Variants in KCNG2 observed in about 807,000 individuals in gnomAD.
KCNG2 encodes the protein potassium voltage-gated channel modifier subfamily G member 2.
KCNG2 carries 7 observed loss-of-function variants against 12.3 expected under a neutral mutation model. The observed-to-expected ratio is 0.57, with a 90% CI of 0.32 to 1.07. The LOEUF (loss-of-function observed/expected upper bound fraction) is 1.07, where lower values mean the gene tolerates loss of function less well. Among genes scored for constraint, KCNG2 ranks in the 50% least tolerant of loss-of-function variants. KCNG2 has a pLI of 0.04. For synonymous variants in KCNG2, 414 were observed against 351.4 expected (o/e 1.18, Z -1.99); for missense variants, 703 against 726.0 (o/e 0.97, Z 0.36).
intron 1 of KCNG2, among the ~76,000 whole-genome samples, chr18:79,828,949 G>C (rs62648806): frequency 6.0e-5 from 5 of 83,974 alleles, no homozygotes; most frequent in African/African-American, 3.1e-4. Context: ...TAACGTGTCT[G>C]TGTGTGCATG....
chr18:79,853,493 C>A (rs1978897440), intron 1 of KCNG2, among the ~76,000 whole-genome samples: 1 of 152,126 alleles, frequency 6.6e-6, no homozygotes, highest in African/African-American at 2.4e-5. Flanking sequence ...GACAGACCAG[C>A]CTAGTTAGGG....
At chr18:79,870,150 C>T (rs181646031) in intron 3 of KCNG2, among the ~76,000 whole-genome samples, 2 of 152,338 alleles carry the variant, frequency 1.3e-5, no homozygotes, top group Admixed American at 1.3e-4. Context: ...GGAGGCCGAG[C>T]GACCTCTCTT....
chr18:79,894,490 A>G (rs1350194666), intron 3 of KCNG2, among the ~76,000 whole-genome samples: 1 of 152,088 alleles, frequency 6.6e-6, no homozygotes, highest in Admixed American at 6.5e-5. Context: ...TAATGTTACA[A>G]TTGATATAGT....
chr18:79,833,313 A>T (rs1978306447), intron 1 of KCNG2, among the ~76,000 whole-genome samples: 2 of 151,926 alleles, frequency 1.3e-5, no homozygotes, highest in African/African-American at 4.8e-5. Context: ...TTTCTTGTTT[A>T]TTTTTTTGTA....
Position 79,851,910 on chromosome 18 carries a change from A to G in KCNG2, c.-114-4469A>G, listed in dbSNP as rs544912637. Among the ~76,000 whole-genome samples the G allele has an allele frequency of 3.0e-3, 459 of 152,362 alleles. 2 individuals are homozygous for G. The highest frequency in any genetic ancestry group is 4.7e-3 in the Non-Finnish European group (322 of 68,042). The stretch of plus-strand genomic sequence containing the variant: ...ATTCTAGGCATCTGCATTGGCTGTC[A>G]GTCCTCACAACAGCCTTGTAAGGTA... On this transcript the variant is annotated intron_variant, in intron 1 of 3. Transcript: ENST00000316249.
At chr18:79,861,120 A>G (rs1289641750) in intron 2 of KCNG2, among the ~76,000 whole-genome samples, 1 of 152,108 alleles carries the variant, frequency 6.6e-6, no homozygotes, top group Non-Finnish European at 1.5e-5. Flanking sequence ...TATTATAGTA[A>G]TTTTGTGTAT....
chr18:79,806,591 A>C (rs2087451611), intron 1 of KCNG2, among the ~76,000 whole-genome samples: 1 of 152,228 alleles, frequency 6.6e-6, no homozygotes, highest in Non-Finnish European at 1.5e-5. Context: ...GTTGTCTTTT[A>C]TCTCTCAAAT....
At chr18:79,872,292 T>G (rs1344417179) in intron 3 of KCNG2, among the ~76,000 whole-genome samples, 15 of 134,770 alleles carry the variant, frequency 1.1e-4, no homozygotes, top group African/African-American at 4.1e-4. Flanking sequence ...TTTTTTTTTT[T>G]TTTTTTTTTT....
At chr18:79,883,201 C>G (rs968231226) in intron 3 of KCNG2, among the ~76,000 whole-genome samples, 3 of 145,718 alleles carry the variant, frequency 2.1e-5, no homozygotes, top group Non-Finnish European at 4.5e-5. Context: ...GCTGCGATCC[C>G]GTCTATGGGA....
Position 79,899,420 on chromosome 18 carries a change from C to T in KCNG2, c.1005C>T (p.Leu335=). Residue 335 remains leucine, a synonymous_variant, in exon 4 of 4, where the codon CTC becomes CTT. Coordinates refer to ENST00000316249, the MANE Select transcript of KCNG2 (RefSeq NM_012283.2). ...LLLFLCVAMA[L]FAPLVHLAER... ...TGTTCCTCTGCGTGGCCATGGCGCT[C>T]TTCGCGCCACTGGTGCACCTGGCCG... The T allele has an allele frequency of 6.3e-7, 1 of 1,588,118 alleles. No homozygotes were observed. Among genetic ancestry groups the T allele is most frequent in the Non-Finnish European group, 8.5e-7 (1 of 1,171,120 alleles).
chr18:79,898,785 A>G (rs1217410285), intron 3 of KCNG2, among the ~76,000 whole-genome samples: 1 of 152,256 alleles, frequency 6.6e-6, no homozygotes, highest in Admixed American at 6.5e-5. Flanking sequence ...GGGTTTTAAC[A>G]TTATTTTCAC....
chr18:79,881,564 C>T (rs769759585), intron 3 of KCNG2, among the ~76,000 whole-genome samples: 2 of 152,196 alleles, frequency 1.3e-5, no homozygotes, highest in Admixed American at 6.5e-5. Context: ...GATCCATCTA[C>T]GTGCTGATAA....
At position 79,884,893 on chromosome 18, in the gene KCNG2, C is replaced by T. The variant is rs556426996; in HGVS notation, c.625-14147C>T. The stretch of plus-strand genomic sequence containing the variant: ...GCGGGTCGGTGATGCAGCCAAGACA[C>T]CATCCCTGAAACTGTGATAATGAGA... On this transcript the variant is annotated intron_variant, in intron 3 of 3. Transcript: ENST00000316249. This position sits in a 1 kb window ranked among gnomAD's most constrained non-coding sequence, Gnocchi z 5.5. Among the ~76,000 whole-genome samples the T allele has an allele frequency of 6.6e-6, 1 of 152,288 alleles. No homozygotes were observed. Among genetic ancestry groups the T allele is most frequent in the South Asian group, 2.1e-4 (1 of 4,828 alleles).
chr18:79,832,931 C>T (rs1978304235), intron 1 of KCNG2, among the ~76,000 whole-genome samples: 1 of 152,188 alleles, frequency 6.6e-6, no homozygotes, highest in Non-Finnish European at 1.5e-5. Flanking sequence ...ACGGCTGGGA[C>T]GTCCTTGCTG....
rs1395703264 is a variant in KCNG2 at position 79,864,185 on chromosome 18, G to C, written c.518G>C (p.Gly173Ala). ...GACGTGGTGGACAACCCGCACTCGG[G>C]GCTGGCGGGCAAGCTCTTCGCCTGC... is the stretch of plus-strand genomic sequence containing the variant. ...LRDVVDNPHS[G>A]LAGKLFACVS... is the part of the protein sequence containing the mutation. The change falls in exon 3 of 4, where the codon GGG becomes GCG. Residue 173 changes from glycine to alanine, a missense_variant. Physicochemically the swap from Gly to Ala is moderately conservative, Grantham distance 60 (BLOSUM62 0). Transcript: ENST00000316249. 1 of 1,526,926 alleles carries C rather than the reference G, an allele frequency of 6.5e-7. No homozygotes were observed. The highest frequency in any genetic ancestry group is 8.8e-7 in the Non-Finnish European group (1 of 1,141,562). The allele number at this position is 1,526,926 out of a possible 1,614,324, so 94.6% of individuals were successfully genotyped here. A position where few individuals can be genotyped will look rare whatever the true frequency, so the allele number is the denominator to read the frequency against.
chr18:79,839,508 A>G (rs1282913310), intron 1 of KCNG2, among the ~76,000 whole-genome samples: 1 of 152,180 alleles, frequency 6.6e-6, no homozygotes, highest in Non-Finnish European at 1.5e-5. Context: ...ACACTACCAC[A>G]ATTCACCCAG....
At chr18:79,838,218 G>T (rs1437568396) in intron 1 of KCNG2, among the ~76,000 whole-genome samples, 1 of 151,796 alleles carries the variant, frequency 6.6e-6, no homozygotes, top group East Asian at 1.9e-4. Context: ...ATTTAGGTGG[G>T]GACACAGAGC....
intron 1 of KCNG2, among the ~76,000 whole-genome samples, chr18:79,819,250 C>T (rs543452168): frequency 2.0e-5 from 3 of 152,318 alleles, no homozygotes; most frequent in South Asian, 4.1e-4. Context: ...AGGCCCTACC[C>T]GGGTGCAGCC....
At chr18:79,874,810 C>T (rs963376145) in intron 3 of KCNG2, among the ~76,000 whole-genome samples, 1 of 152,236 alleles carries the variant, frequency 6.6e-6, no homozygotes, top group African/African-American at 2.4e-5. Context: ...CTTTCCAGGG[C>T]TCTGCCACGG....
Sources: allele counts gnomAD v4.1 joint callset (sites outside exome capture counted in the v4.1 genomes callset), GRCh38; gene constraint gnomAD v4.1.1; non-coding constraint Gnocchi (gnomAD v3.1); transcripts MANE v1.5; gene names NCBI Gene and HGNC (gene_info 2026-07-23, HGNC 2026-07-21).